PPP1R16B: variants seen among roughly 807,000 people sequenced by gnomAD.
The protein encoded by PPP1R16B is protein phosphatase 1 regulatory inhibitor subunit 16B.
Under a neutral mutation model 61.7 loss-of-function variants are expected in PPP1R16B, and 14 were observed. The observed-to-expected ratio is 0.23, with a 90% confidence interval of 0.15 to 0.35. PPP1R16B has a LOEUF of 0.35. Ranked by LOEUF, PPP1R16B falls within the 10% of genes least tolerant of loss-of-function variation. The pLI, the probability that PPP1R16B is intolerant of heterozygous loss-of-function variation, is 1.00. For synonymous variants in PPP1R16B, 266 were observed against 305.3 expected, an observed-to-expected ratio of 0.87 and a Z score of 1.34; for missense variants, 547 against 752.5, an observed-to-expected ratio of 0.73 and a Z score of 3.19.
intron 2 of PPP1R16B, among the ~76,000 whole-genome samples, chr20:38,866,550 T>A (rs527423857): frequency 6.6e-6 from 1 of 152,272 alleles, no homozygotes; most frequent in East Asian, 1.9e-4. Flanking sequence ...GCCTGCTTGC[T>A]TTTTCTCACA....
At chr20:38,811,869 T>C (rs1423029615) in intron 1 of PPP1R16B, among the ~76,000 whole-genome samples, 1 of 152,094 alleles carries the variant, frequency 6.6e-6, no homozygotes, top group African/African-American at 2.4e-5. Context: ...AGTGCTGAGG[T>C]TAAGAAAGAC....
intron 1 of PPP1R16B, among the ~76,000 whole-genome samples, chr20:38,818,618 T>A (rs1221145925): frequency 6.6e-6 from 1 of 152,202 alleles, no homozygotes; most frequent in Non-Finnish European, 1.5e-5. Context: ...CTTTGGGAAC[T>A]GCTGCATTCA....
intron 2 of PPP1R16B, among the ~76,000 whole-genome samples, chr20:38,881,727 A>C (rs559585809): frequency 6.6e-6 from 1 of 152,330 alleles, no homozygotes; most frequent in South Asian, 2.1e-4. Flanking sequence ...CTTCTCTATC[A>C]CATGATGTTC....
chr20:38,873,491 T>C (rs1390553187), intron 2 of PPP1R16B, among the ~76,000 whole-genome samples: 1 of 152,180 alleles, frequency 6.6e-6, no homozygotes, highest in Non-Finnish European at 1.5e-5. Flanking sequence ...ACAGTTTCTG[T>C]GAGTCAGGAA....
chr20:38,910,568 C>A (rs1195280609), intron 10 of PPP1R16B, among the ~76,000 whole-genome samples: 1 of 146,330 alleles, frequency 6.8e-6, no homozygotes, highest in Non-Finnish European at 1.5e-5. Flanking sequence ...GGAGTTCACT[C>A]TGTTGCCTGG....
intron 2 of PPP1R16B, among the ~76,000 whole-genome samples, chr20:38,855,978 A>AAGGAG (rs1265586618): frequency 3.4e-5 from 1 of 29,752 alleles, no homozygotes; most frequent in Non-Finnish European, 5.5e-5. Flanking sequence ...AGAGAGAGAG[A>AAGGAG]GAGAAGGAGG....
intron 10 of PPP1R16B, among the ~76,000 whole-genome samples, chr20:38,913,513 G>A (rs531289233): frequency 6.6e-6 from 1 of 152,034 alleles, no homozygotes; most frequent in East Asian, 1.9e-4. Context: ...CACCCGCCTC[G>A]ACCTCCCAAA....
intron 4 of PPP1R16B, among the ~76,000 whole-genome samples, chr20:38,896,314 C>A (rs1469367459): frequency 1.3e-5 from 2 of 148,832 alleles, no homozygotes; most frequent in Non-Finnish European, 3.0e-5. Flanking sequence ...TTCTTCCTTC[C>A]TCTCTTTTCT....
At chr20:38,825,662 A>G (rs1318894383) in intron 1 of PPP1R16B, among the ~76,000 whole-genome samples, 1 of 152,136 alleles carries the variant, frequency 6.6e-6, no homozygotes, top group Non-Finnish European at 1.5e-5. Context: ...TCTACCATGG[A>G]TGCCACAGTG....
chr20:38,864,499 A>G (rs1342552318), intron 2 of PPP1R16B, among the ~76,000 whole-genome samples: 1 of 152,150 alleles, frequency 6.6e-6, no homozygotes. Flanking sequence ...TTATCACCCC[A>G]TTTTTGCAGT....
chr20:38,876,103 G>T (rs2085164321), intron 2 of PPP1R16B, among the ~76,000 whole-genome samples: 1 of 151,104 alleles, frequency 6.6e-6, no homozygotes, highest in African/African-American at 2.4e-5. Context: ...CTCCCAAGTA[G>T]CTGGGATTAC....
intron 2 of PPP1R16B, among the ~76,000 whole-genome samples, chr20:38,869,246 C>T (rs1461430189): frequency 1.3e-5 from 2 of 152,072 alleles, no homozygotes; most frequent in Non-Finnish European, 2.9e-5. Context: ...GCAACCTCCA[C>T]CTCCTGGGTT....
chr20:38,886,121 A>C (rs1342058292), intron 2 of PPP1R16B, among the ~76,000 whole-genome samples: 1 of 152,178 alleles, frequency 6.6e-6, no homozygotes, highest in Non-Finnish European at 1.5e-5. Context: ...TGAACTCTAG[A>C]GGCAGGGAGC....
intron 2 of PPP1R16B, among the ~76,000 whole-genome samples, chr20:38,843,783 G>A (rs2084922464): frequency 1.3e-5 from 2 of 151,876 alleles, no homozygotes; most frequent in Non-Finnish European, 2.9e-5. Context: ...AAAAAGCAAT[G>A]AGGAGAGTAG....
chr20:38,822,832 A>G (rs1332979476), intron 1 of PPP1R16B, among the ~76,000 whole-genome samples: 1 of 152,176 alleles, frequency 6.6e-6, no homozygotes, highest in African/African-American at 2.4e-5. Flanking sequence ...TTTGCTGAGT[A>G]GAAGGATGGG....
intron 2 of PPP1R16B, among the ~76,000 whole-genome samples, chr20:38,847,035 G>C (rs2084939941): frequency 6.6e-6 from 1 of 152,008 alleles, no homozygotes; most frequent in Non-Finnish European, 1.5e-5. Flanking sequence ...AAAATAAAAA[G>C]TATTTGGCCA....
At chr20:38,909,069 A>G (rs1472740099) in intron 10 of PPP1R16B, among the ~76,000 whole-genome samples, 1 of 151,942 alleles carries the variant, frequency 6.6e-6, no homozygotes, top group Non-Finnish European at 1.5e-5. Flanking sequence ...TGGCATGATT[A>G]TAGATCACTG....
intron 2 of PPP1R16B, among the ~76,000 whole-genome samples, chr20:38,876,474 T>C (rs1480068468): frequency 6.6e-6 from 1 of 152,102 alleles, no homozygotes; most frequent in Non-Finnish European, 1.5e-5. Flanking sequence ...TGGACACTGA[T>C]ATGCCACTTT....
At chr20:38,854,098 C>T (rs2084987169) in intron 2 of PPP1R16B, among the ~76,000 whole-genome samples, 1 of 152,134 alleles carries the variant, frequency 6.6e-6, no homozygotes, top group Admixed American at 6.5e-5. Context: ...TCTAGCAACT[C>T]GATGTGATAA....
Sources: allele counts gnomAD v4.1 joint callset (sites outside exome capture counted in the v4.1 genomes callset), GRCh38; gene constraint gnomAD v4.1.1; transcripts MANE v1.5; gene names NCBI Gene and HGNC (gene_info 2026-07-23, HGNC 2026-07-21).